The following KERA variants were observed in gnomAD, a reference collection of about 807,000 sequenced individuals.
KERA encodes the protein keratocan.
In KERA, 25 loss-of-function variants were observed where a neutral mutation model predicts 26.4. The ratio of observed to expected loss-of-function variants is 0.95; its 90% CI spans 0.69 to 1.32. KERA has a LOEUF of 1.32. Among genes scored for constraint, KERA ranks in the 40% most tolerant of loss-of-function variants. The pLI, the probability that KERA is intolerant of heterozygous loss-of-function variation, is 0.00. For missense variants in KERA, 434 were observed against 408.9 expected (o/e 1.06, Z -0.53); for synonymous variants, 167 against 146.1 (o/e 1.14, Z -1.03).
At position 91,055,988 on chromosome 12, in the gene KERA, T is replaced by A; in HGVS notation, c.294A>T (p.Arg98Ser). The A allele has an allele frequency of 6.2e-7, 1 of 1,610,962 alleles. No homozygotes were observed. ...EKPFENATQLRWINLNKNKIT... is the reference protein window; with the variant it reads ...EKPFENATQLSWINLNKNKIT... ...TTTTGTTCTTGTTTAGATTTATCCATCTTAGCTGGGTGGCATTCTCAAATG... is the reference window on the plus strand; with the variant it reads ...TTTTGTTCTTGTTTAGATTTATCCAACTTAGCTGGGTGGCATTCTCAAATG... The change falls in exon 2 of 3, where the codon AGA (arginine) becomes AGT (serine). Residue 98 changes from arginine (R) to serine (S), a missense_variant. By Grantham distance (110) the Arg-to-Ser change is moderately radical (BLOSUM62 -1). Coordinates refer to ENST00000266719, the MANE Select transcript of KERA (RefSeq NM_007035.4).
Position 91,051,461 on chromosome 12 carries a change from G to C in KERA, c.944C>G (p.Ser315Cys). ...SPSMLPAERD[S>C]FSYGPHLRYL... ...GCGAAGATGAGGTCCATAACTGAAG[G>C]AATCTCGTTCTGCAGGCAGCATGGA... The change falls in exon 3 of 3, where the codon TCC becomes TGC. Residue 315 changes from serine to cysteine, a missense_variant. By Grantham distance (112) the Ser-to-Cys change is moderately radical (BLOSUM62 -1). Coordinates refer to ENST00000266719, the MANE Select transcript of KERA (RefSeq NM_007035.4). 1 of 1,610,874 alleles carries C rather than the reference G, an allele frequency of 6.2e-7. No individual in the cohort carries two copies. Among genetic ancestry groups the C allele is most frequent in the Non-Finnish European group, 8.5e-7 (1 of 1,177,806 alleles).
chr12:91,051,796 G>A (rs757860032), intron 2 of KERA, among the ~76,000 whole-genome samples: 22 of 151,544 alleles, frequency 1.5e-4, no homozygotes, highest in Non-Finnish European at 2.4e-4. Context: ...AGAAACAAAT[G>A]TGTATAAGAC....
Position 91,055,504 on chromosome 12 carries a change from C to G in KERA, c.778G>C (p.Asp260His). The part of the protein sequence containing the change: ...SDEGLPSRGF[D>H]VSSILDLQLS... Reference sequence around the variant, plus strand: ...TGAAGATCTAGAATTGATGATACATCAAATCCTCTTGATGGGAGACCCTCA... The same window carrying G: ...TGAAGATCTAGAATTGATGATACATGAAATCCTCTTGATGGGAGACCCTCA... The change falls in exon 2 of 3, where the codon GAT (aspartate) becomes CAT (histidine). Residue 260 changes from aspartate (D) to histidine (H), a missense_variant. By Grantham distance (81) the Asp-to-His change is moderately conservative. Transcript: ENST00000266719. The G allele has an allele frequency of 6.2e-7, 1 of 1,609,952 alleles. No homozygotes were observed. The highest frequency in any genetic ancestry group is 8.5e-7 in the Non-Finnish European group (1 of 1,177,566).
intron 2 of KERA, 75 bp from the exon 3 acceptor site, chr12:91,051,593 T>C: frequency 9.4e-7 from 1 of 1,065,094 alleles, no homozygotes; most frequent in Non-Finnish European, 1.5e-6. Context: ...AAAAAACTAA[T>C]GCCATGGTCC....
chr12:91,051,294 T>A lies in KERA; in HGVS notation c.*52A>T. On this transcript the variant is annotated 3_prime_UTR_variant, in exon 3 of 3. Transcript: ENST00000266719. ...CTAAACCTATTAATGGTAACCACAT[T>A]TCATGTCAGAAACAGCTCATTAAAC... is the stretch of plus-strand genomic sequence containing the variant. 2 of 1,461,436 alleles carry A rather than the reference T, an allele frequency of 1.4e-6. No individual in the cohort carries two copies. Among genetic ancestry groups the A allele is most frequent in the Non-Finnish European group, 1.9e-6 (2 of 1,043,664 alleles). 90.5% of individuals were successfully genotyped at this position (1,461,436 alleles called of 1,614,324 possible).
intron 1 of KERA, 148 bp from the exon 2 acceptor site, chr12:91,056,437 A>G: frequency 1.4e-6 from 1 of 698,158 alleles, no homozygotes; most frequent in Non-Finnish European, 2.5e-6. Context: ...ATTAATATAC[A>G]TTAGTTAGTA....
chr12:91,056,445 G>T (rs1879008431), intron 1 of KERA, among the ~76,000 whole-genome samples, 156 bp from the exon 2 acceptor site: 3 of 151,194 alleles, frequency 2.0e-5, no homozygotes, highest in Non-Finnish European at 3.0e-5. Context: ...ACATTAGTTA[G>T]TAGGCACCAT....
chr12:91,054,177 C>T lies in KERA; in HGVS notation c.886+1219G>A, dbSNP rs189527926. On this transcript the variant is annotated intron_variant, in intron 2 of 2. Transcript: ENST00000266719. ...TAGACTCAAGTACACTGTTATTTAA[C>T]TCCCCCCACCAAAAAAACAAAAATT... Among the ~76,000 whole-genome samples, 1,238 of 151,400 alleles carry T rather than the reference C, an allele frequency of 8.2e-3. 15 individuals carry two copies. The highest frequency in any genetic ancestry group is 0.011 in the Non-Finnish European group (727 of 67,532).
chr12:91,055,056 T>C (rs1878956302), intron 2 of KERA, among the ~76,000 whole-genome samples: 1 of 151,270 alleles, frequency 6.6e-6, no homozygotes, highest in Admixed American at 6.6e-5. Context: ...TGTTTGTGCC[T>C]GGTATGGTTT....
intron 2 of KERA, among the ~76,000 whole-genome samples, chr12:91,054,537 G>A (rs979858814): frequency 2.0e-5 from 3 of 151,224 alleles, no homozygotes; most frequent in Admixed American, 2.0e-4. Flanking sequence ...GCATAATTGT[G>A]AAGAAGCCAA....
intron 1 of KERA, among the ~76,000 whole-genome samples, chr12:91,056,686 G>C (rs1024184690): frequency 6.6e-6 from 1 of 151,230 alleles, no homozygotes; most frequent in Non-Finnish European, 1.5e-5. Context: ...TTGTTCCTGA[G>C]AGGAAAGCAT....
Position 91,055,927 on chromosome 12 carries a change from G to A in KERA, c.355C>T (p.Gln119Ter), listed in dbSNP as rs772992426. 6.2e-7 allele frequency: 1 copy of A among 1,611,084 alleles called. No homozygotes were observed. Among genetic ancestry groups the A allele is most frequent in the South Asian group, 1.1e-5 (1 of 90,984 alleles). ...AATAAGAAGAGCAACTTCTTCAGCTGGCTTAGGGCTCCTTTTTCAATTCCG... is the reference window on the plus strand; with the variant it reads ...AATAAGAAGAGCAACTTCTTCAGCTAGCTTAGGGCTCCTTTTTCAATTCCG... ...NYGIEKGALS[Q>*]LKKLLFLFLE... The change falls in exon 2 of 3, where the codon CAG (glutamine) becomes TAG (stop). Residue 119 changes from glutamine (Q) to a stop codon, truncating the protein, a stop_gained. Coordinates refer to ENST00000266719, the MANE Select transcript of KERA (RefSeq NM_007035.4). LOFTEE classifies it high-confidence loss of function.
At chr12:91,055,329 T>A in intron 2 of KERA, 67 bp downstream of exon 2, 1 of 1,403,770 alleles carries the variant, frequency 7.1e-7, no homozygotes, top group South Asian at 1.2e-5. Context: ...CTCTTCTTAA[T>A]GAAAATAAAG....
chr12:91,055,406 G>T lies in KERA; in HGVS notation c.876C>A (p.Asn292Lys). 1 of 1,609,834 alleles carries T rather than the reference G, an allele frequency of 6.2e-7. No individual in the cohort carries two copies. Among genetic ancestry groups the T allele is most frequent in the Non-Finnish European group, 8.5e-7 (1 of 1,177,158 alleles). ...AHLQHLHLDH[N>K]KIKSVNVSVI... is the part of the protein sequence containing the mutation. ...CTGCAGGTTACTTACTTTTAATTTT[G>T]TTATGATCAAGGTGAAGGTGCTGCA... The change falls in exon 2 of 3, where the codon AAC becomes AAA. Residue 292 changes from asparagine (N) to lysine (K), a missense_variant. Transcript: ENST00000266719.
chr12:91,051,334 G>C lies in KERA; in HGVS notation c.*12C>G, dbSNP rs2120951745. The C allele has an allele frequency of 6.2e-7, 1 of 1,605,756 alleles. No homozygotes were observed. Among genetic ancestry groups the C allele is most frequent in the East Asian group, 2.2e-5 (1 of 44,746 alleles). ...GCTCATTAAACTAATTTTAGATTTG[G>C]TGAGAATGTGTTTAAATAATGACAG... is the stretch of plus-strand genomic sequence containing the variant. On this transcript the variant is annotated 3_prime_UTR_variant, in exon 3 of 3. Coordinates refer to ENST00000266719, the MANE Select transcript of KERA (RefSeq NM_007035.4).
intron 1 of KERA, among the ~76,000 whole-genome samples, chr12:91,057,077 C>T (rs946858430): frequency 2.0e-5 from 3 of 149,710 alleles, no homozygotes; most frequent in Non-Finnish European, 4.5e-5. Flanking sequence ...GAGTTGAATA[C>T]ATTGTGATGT....
At chr12:91,055,294 A>T in intron 2 of KERA, 102 bp downstream of exon 2, 1 of 1,034,918 alleles carries the variant, frequency 9.7e-7, no homozygotes, top group African/African-American at 1.6e-5. Context: ...AAGGAACATT[A>T]GCGGGGGAGG....
chr12:91,055,015 A>G (rs1419548636), intron 2 of KERA, among the ~76,000 whole-genome samples: 1 of 151,266 alleles, frequency 6.6e-6, no homozygotes, highest in Non-Finnish European at 1.5e-5. Flanking sequence ...TGCCTCTTAA[A>G]TCATATTTTC....
chr12:91,056,096 A>C lies in KERA; in HGVS notation c.186T>G (p.Gly62=). ...AAGGAATAGCAGGAATTTCTTTGAG[A>C]CCTCTATTTTCACAATATAAAGCAG... The part of the protein sequence containing the change: ...FPTALYCENR[G]LKEIPAIPSR... Residue 62 remains glycine, a synonymous_variant, in exon 2 of 3, where the codon GGT becomes GGG. Transcript: ENST00000266719. 6.2e-7 allele frequency: 1 copy of C among 1,609,048 alleles called. No individual in the cohort carries two copies. The highest frequency in any genetic ancestry group is 1.1e-5 in the South Asian group (1 of 90,602).
Sources: allele counts gnomAD v4.1 joint callset (sites outside exome capture counted in the v4.1 genomes callset), GRCh38; gene constraint gnomAD v4.1.1; transcripts MANE v1.5; gene names NCBI Gene and HGNC (gene_info 2026-07-23, HGNC 2026-07-21).